Variants in FOXN3 observed in about 807,000 individuals in gnomAD.
The protein encoded by FOXN3 is forkhead box protein N3.
In FOXN3, 7 loss-of-function variants were observed where a neutral mutation model predicts 38.4. That is an observed-to-expected ratio of 0.18 (90% CI 0.10 to 0.34). The LOEUF (loss-of-function observed/expected upper bound fraction) is 0.34, where lower values mean the gene tolerates loss of function less well. FOXN3 is among the 10% of genes least tolerant of loss of function. The pLI, the probability that FOXN3 is intolerant of heterozygous loss-of-function variation, is 1.00. For missense variants in FOXN3, 456 were observed against 613.4 expected (o/e 0.74, Z 2.71); for synonymous variants, 230 against 242.2 (o/e 0.95, Z 0.47).
chr14:89,318,049 A>G (rs1240186930), intron 3 of FOXN3, among the ~76,000 whole-genome samples: 1 of 151,384 alleles, frequency 6.6e-6, no homozygotes, highest in African/African-American at 2.4e-5. Flanking sequence ...GGGGACTGCT[A>G]TATTAGGGCA....
intron 1 of FOXN3, among the ~76,000 whole-genome samples, chr14:89,461,616 C>G (rs1242564868): frequency 6.6e-6 from 1 of 152,062 alleles, no homozygotes; most frequent in Admixed American, 6.5e-5. Flanking sequence ...TAATAAAAAG[C>G]AAGTCCTTTT....
chr14:89,339,959 TG>T (rs1022490440), intron 3 of FOXN3, among the ~76,000 whole-genome samples: 2 of 152,026 alleles, frequency 1.3e-5, no homozygotes, highest in Non-Finnish European at 2.9e-5. Flanking sequence ...TAGGAGGGTT[TG>T]GGGGTGGGGG....
At chr14:89,351,846 G>A (rs1450391731) in intron 2 of FOXN3, among the ~76,000 whole-genome samples, 1 of 152,154 alleles carries the variant, frequency 6.6e-6, no homozygotes, top group East Asian at 1.9e-4. Context: ...AACTAACATG[G>A]GGGAAGGGGA....
intron 1 of FOXN3, among the ~76,000 whole-genome samples, chr14:89,445,149 AT>A (rs780150947): frequency 5.7e-4 from 85 of 149,172 alleles, no homozygotes; most frequent in South Asian, 6.4e-4. Flanking sequence ...ATAAAATAAA[AT>A]AAAAAAAAGT....
At chr14:89,352,282 G>A (rs1259767241) in intron 2 of FOXN3, among the ~76,000 whole-genome samples, 1 of 152,098 alleles carries the variant, frequency 6.6e-6, no homozygotes, top group African/African-American at 2.4e-5. Context: ...TTCCTTTCAC[G>A]CACACATTCT....
At chr14:89,461,843 G>A (rs1892855017) in intron 1 of FOXN3, among the ~76,000 whole-genome samples, 1 of 152,020 alleles carries the variant, frequency 6.6e-6, no homozygotes, top group African/African-American at 2.4e-5. Flanking sequence ...AGAACTTGAG[G>A]GCCAAAATGA....
intron 2 of FOXN3, among the ~76,000 whole-genome samples, chr14:89,370,970 C>T (rs965540747): frequency 2.0e-5 from 3 of 148,088 alleles, no homozygotes; most frequent in Non-Finnish European, 4.5e-5. Flanking sequence ...CCCAACACAA[C>T]AACAAAACCG....
intron 4 of FOXN3, among the ~76,000 whole-genome samples, chr14:89,268,869 G>A (rs762236085): frequency 1.3e-5 from 2 of 152,174 alleles, no homozygotes; most frequent in African/African-American, 4.8e-5. Context: ...CTGTCCATGT[G>A]AGCCACCGCA....
chr14:89,585,733 C>T (rs1895827364), intron 1 of FOXN3, among the ~76,000 whole-genome samples: 1 of 143,134 alleles, frequency 7.0e-6, no homozygotes, highest in African/African-American at 2.6e-5. Flanking sequence ...GTTCCTTCTC[C>T]ACTCCCACTG....
intron 1 of FOXN3, among the ~76,000 whole-genome samples, chr14:89,416,504 G>T (rs539975782): frequency 1.3e-5 from 2 of 152,130 alleles, no homozygotes; most frequent in African/African-American, 4.8e-5. Flanking sequence ...TGGCCGGGGG[G>T]TGATCTTTGT....
chr14:89,339,410 A>G (rs1888551516), intron 3 of FOXN3, among the ~76,000 whole-genome samples: 2 of 152,102 alleles, frequency 1.3e-5, no homozygotes, highest in Admixed American at 1.3e-4. Flanking sequence ...TCTAGACCTA[A>G]CTAAGATCTG....
intron 4 of FOXN3, among the ~76,000 whole-genome samples, chr14:89,207,506 G>A (rs73321273): frequency 1.6e-4 from 24 of 152,304 alleles, no homozygotes; most frequent in African/African-American, 5.8e-4. Context: ...ACATACAGAA[G>A]AAATTATATG....
intron 2 of FOXN3, among the ~76,000 whole-genome samples, chr14:89,409,825 CA>C (rs1177427448): frequency 6.6e-6 from 1 of 152,138 alleles, no homozygotes; most frequent in Non-Finnish European, 1.5e-5. Context: ...CAAAAAAAGC[CA>C]AGTCCAGAGG....
At position 89,230,645 on chromosome 14, in the gene FOXN3, C is replaced by T. The variant is rs116606601; in HGVS notation, c.746-49839G>A. 3.6e-3 allele frequency: 877 copies of T among 242,558 alleles called. 9 individuals are homozygous for T. Among genetic ancestry groups the T allele is most frequent in the African/African-American group, 0.018 (819 of 45,006 alleles). The allele number at this position is 242,558 out of a possible 1,614,324, so 15.0% of individuals were successfully genotyped here. On this transcript the variant is annotated intron_variant, in intron 4 of 5. Coordinates refer to ENST00000557258, the MANE Select transcript of FOXN3 (RefSeq NM_005197.4). ...TATTTATTGTTTCTTGTCTATCTCA[C>T]GCAGAGTTCCACAAGGGCAAAGATT...
chr14:89,266,393 A>G (rs906940875), intron 4 of FOXN3, among the ~76,000 whole-genome samples: 1 of 152,042 alleles, frequency 6.6e-6, no homozygotes, highest in African/African-American at 2.4e-5. Context: ...TCCTCATTTC[A>G]TCTTAATTAC....
chr14:89,449,197 T>C (rs949341314), intron 1 of FOXN3, among the ~76,000 whole-genome samples: 1 of 152,236 alleles, frequency 6.6e-6, no homozygotes, highest in Non-Finnish European at 1.5e-5. Context: ...GGCTTACTGA[T>C]TGAACACAGC....
intron 2 of FOXN3, among the ~76,000 whole-genome samples, chr14:89,395,914 A>G (rs1184745769): frequency 6.6e-6 from 1 of 152,184 alleles, no homozygotes; most frequent in Non-Finnish European, 1.5e-5. Context: ...AGAGTCTTCC[A>G]GTCACACTTG....
chr14:89,327,216 C>G (rs1418251897), intron 3 of FOXN3, among the ~76,000 whole-genome samples: 2 of 152,204 alleles, frequency 1.3e-5, no homozygotes, highest in Middle Eastern at 3.4e-3. Flanking sequence ...ATATACAAAG[C>G]AACTGAAATA....
chr14:89,277,297 G>C (rs1012975625), intron 4 of FOXN3, among the ~76,000 whole-genome samples: 1 of 152,160 alleles, frequency 6.6e-6, no homozygotes, highest in Admixed American at 6.5e-5. Context: ...AGCTGGCCAC[G>C]CCTGCAGGGC....
Sources: gnomAD v4.1 joint callset for allele counts (sites outside exome capture counted in the v4.1 genomes callset) on GRCh38, gnomAD v4.1.1 for gene constraint, MANE v1.5 for transcripts, NCBI Gene and HGNC (gene_info 2026-07-23, HGNC 2026-07-21) for gene names.